ZKSCAN4: variants seen among roughly 807,000 people sequenced by gnomAD.
ZKSCAN4 encodes zinc finger protein with KRAB and SCAN domains 4.
ZKSCAN4 carries 23 observed loss-of-function variants against 30.8 expected under a neutral mutation model. The ratio of observed to expected loss-of-function variants is 0.75; its 90% confidence interval spans 0.54 to 1.06. The LOEUF (loss-of-function observed/expected upper bound fraction) is 1.06, where lower values mean the gene tolerates loss of function less well. Among genes scored for constraint, ZKSCAN4 ranks in the 50% least tolerant of loss-of-function variants. The probability of loss-of-function intolerance (pLI) is 0.00; values close to 1 mark genes in which losing one functional copy is unlikely to be tolerated. For missense variants in ZKSCAN4, 556 were observed against 665.4 expected (o/e 0.84, Z 1.81); for synonymous variants, 208 against 252.5 (o/e 0.82, Z 1.67).
upstream of ZKSCAN4, among the ~76,000 whole-genome samples, chr6:28,254,758 G>A (rs1388491180): frequency 2.0e-5 from 3 of 152,200 alleles, no homozygotes; most frequent in Non-Finnish European, 2.9e-5. Flanking sequence ...GAAGCCCTGC[G>A]ACGGCATTTT....
rs1561860774 is a variant in ZKSCAN4, at chr6:28,249,795, T to C, written c.463A>G (p.Lys155Glu). 2 of 1,614,152 alleles carry C rather than the reference T, an allele frequency of 1.2e-6. No homozygotes were observed. The highest frequency in any genetic ancestry group is 1.7e-5 in the Admixed American group (1 of 60,026). ...TGAGTTTGTGTCAATAGTGCCATCT[T>C]GCAACAGAGCAGTTCTTGCCCCTGG... Reference protein sequence around the residue: ...GDQGQELLCCKMALLTQTQGS... With the variant: ...GDQGQELLCCEMALLTQTQGS... The change falls in exon 2 of 5, where the codon AAG becomes GAG. Residue 155 changes from lysine to glutamate, a missense_variant. Physicochemically the swap from Lys to Glu is moderately conservative, Grantham distance 56. Transcript: ENST00000377294. The surrounding 1 kb of genome is among the most constrained non-coding windows in gnomAD (Gnocchi z 4.1).
In ZKSCAN4 at chr6:28,245,749, C is replaced by T. The variant is rs765705551; in HGVS notation, c.1005G>A (p.Leu335=). The T allele has an allele frequency of 3.4e-5, 55 of 1,614,112 alleles. No homozygotes were observed. The highest frequency in any genetic ancestry group is 4.3e-5 in the Non-Finnish European group (51 of 1,180,044). Residue 335 remains leucine, a synonymous_variant, in exon 5 of 5, where the codon CTG becomes CTA. Transcript: ENST00000377294. The part of the protein sequence containing the change: ...CGKSFAQSSG[L]TKHRRIHTGE... Reference sequence around the variant, plus strand: ...CAGTGTGGATTCTCCTGTGTTTAGTCAGGCCTGAACTTTGAGCAAAACTCT... The same window carrying T: ...CAGTGTGGATTCTCCTGTGTTTAGTTAGGCCTGAACTTTGAGCAAAACTCT...
At chr6:28,246,021 G>T in intron 4 of ZKSCAN4, 46 bp from the exon 5 acceptor site, 1 of 1,613,692 alleles carries the variant, frequency 6.2e-7, no homozygotes, top group African/African-American at 1.3e-5. Context: ...CCCTGCCATG[G>T]GAGGAAAGCT....
At chr6:28,253,167 A>G (rs1373622960), upstream of ZKSCAN4, among the ~76,000 whole-genome samples, 3 of 152,236 alleles carry the variant, frequency 2.0e-5, no homozygotes, top group East Asian at 1.9e-4. The surrounding 1 kb of genome is among the most constrained non-coding windows in gnomAD (Gnocchi z 4.2). Context: ...CCTATAATAG[A>G]AGAAAGCCCT....
intron 2 of ZKSCAN4, 90 bp from the exon 3 acceptor site, chr6:28,248,239 G>T: frequency 1.1e-6 from 1 of 904,530 alleles, no homozygotes; most frequent in Non-Finnish European, 1.7e-6. Flanking sequence ...GGGGCAGTAA[G>T]TTCTTGCCAA....
intron 2 of ZKSCAN4, among the ~76,000 whole-genome samples, chr6:28,248,839 A>AAAAAAAAAAAG (rs1760862919): frequency 7.8e-6 from 1 of 127,754 alleles, no homozygotes; most frequent in African/African-American, 3.2e-5. Flanking sequence ...AAAAAAAAAA[A>AAAAAAAAAAAG]AAAAAGAAAA....
chr6:28,246,656 T>A (rs986322277), intron 4 of ZKSCAN4, among the ~76,000 whole-genome samples: 3 of 151,312 alleles, frequency 2.0e-5, no homozygotes, highest in African/African-American at 7.3e-5. Flanking sequence ...GGCCCCCCCC[T>A]CCCCGCAGCT....
the ZKSCAN4 span, among the ~76,000 whole-genome samples, chr6:28,258,768 CAAAA>C: frequency 6.7e-4 from 95 of 142,408 alleles, no homozygotes; most frequent in Middle Eastern, 3.6e-3. Context: ...ATCCTGTCTC[CAAAA>C]AAAAAAAAAA....
chr6:28,252,395 G>A (rs1161051823), upstream of ZKSCAN4, among the ~76,000 whole-genome samples: 1 of 152,110 alleles, frequency 6.6e-6, no homozygotes, highest in African/African-American at 2.4e-5. Flanking sequence ...AGGGAAGGCA[G>A]TTAAGGGATA....
chr6:28,243,651 C>G lies in ZKSCAN4; in HGVS notation c.*1465G>C, dbSNP rs931554833. Among the ~76,000 whole-genome samples, 1 of 151,716 alleles carries G rather than the reference C, an allele frequency of 6.6e-6. No homozygotes were observed. Among genetic ancestry groups the G allele is most frequent in the African/African-American group, 2.4e-5 (1 of 41,254 alleles). ...GATTCCCAATGTGCTTCTGAACAGA[C>G]ACATTTTCTTTTCTTTTTTTTTTTT... On this transcript the variant is annotated 3_prime_UTR_variant, in exon 5 of 5. Transcript: ENST00000377294.
intron 4 of ZKSCAN4, 137 bp from the exon 5 acceptor site, chr6:28,246,112 G>A: frequency 1.6e-6 from 2 of 1,249,292 alleles, no homozygotes; most frequent in Non-Finnish European, 2.2e-6. Flanking sequence ...GAATAAGAAT[G>A]GGAATAAAAA....
rs76636512 is a variant in ZKSCAN4, at chr6:28,251,041, G to T, written c.423+517C>A. ...ATGGACTTTCTCCCAAGTGGTCCAT[G>T]AACTTAGAAAGGACAAAAACTAATC... On this transcript the variant is annotated intron_variant, in intron 1 of 4. Transcript: ENST00000377294. This position sits in a 1 kb window ranked among gnomAD's most constrained non-coding sequence, Gnocchi z 4.5. Among the ~76,000 whole-genome samples, 27 of 152,312 alleles carry T rather than the reference G, an allele frequency of 1.8e-4. No homozygotes were observed. In the East Asian group the frequency reaches 5.2e-3, roughly 29 times the overall value.
chr6:28,245,898 G>A lies in ZKSCAN4; in HGVS notation c.856C>T (p.His286Tyr). 6.2e-7 allele frequency: 1 copy of A among 1,614,154 alleles called. No homozygotes were observed. Among genetic ancestry groups the A allele is most frequent in the South Asian group, 1.1e-5 (1 of 91,086 alleles). The change falls in exon 5 of 5, where the codon CAC becomes TAC. Residue 286 changes from histidine (H) to tyrosine (Y), a missense_variant. His to Tyr is a moderately conservative substitution (Grantham distance 83). Around this residue, in one of 3 missense-constraint regions of ZKSCAN4, gnomAD observed 433 missense variants for 511.5 expected, o/e 0.85. Transcript: ENST00000377294. ...LPEKEHGKIC[H>Y]LREDIAQIPT... Reference sequence around the variant, plus strand: ...ATCTGGGCAATGTCTTCCCTCAGGTGGCATATCTTCCCATGCTCCTTTTCT... The same window carrying A: ...ATCTGGGCAATGTCTTCCCTCAGGTAGCATATCTTCCCATGCTCCTTTTCT...
chr6:28,259,154 A>G, the ZKSCAN4 span, among the ~76,000 whole-genome samples: 1 of 152,186 alleles, frequency 6.6e-6, no homozygotes, highest in Non-Finnish European at 1.5e-5. Flanking sequence ...TATAAGTCCT[A>G]AAAACAGGCG....
chr6:28,251,877 A>C lies in ZKSCAN4; in HGVS notation c.104T>G (p.Leu35Trp). The C allele has an allele frequency of 6.4e-7, 1 of 1,554,868 alleles. No homozygotes were observed. The highest frequency in any genetic ancestry group is 8.7e-7 in the Non-Finnish European group (1 of 1,155,840). The change falls in exon 1 of 5, where the codon TTG (leucine) becomes TGG (tryptophan). Residue 35 changes from leucine (L) to tryptophan (W), a missense_variant. Coordinates refer to ENST00000377294, the MANE Select transcript of ZKSCAN4 (RefSeq NM_019110.5). The surrounding 1 kb of genome is among the most constrained non-coding windows in gnomAD (Gnocchi z 4.5). ...GCAGGGTGCTCTCACCTCCGCCGTC[A>C]AGGCGGAGGCTTCCTCCTTCTCCAC... The part of the protein sequence containing the change: ...VKVEKEEASA[L>W]TAEVRAPCSP...
chr6:28,248,826 C>CAAAAAAAA (rs1208495527), intron 2 of ZKSCAN4, among the ~76,000 whole-genome samples: 9 of 50,938 alleles, frequency 1.8e-4, no homozygotes, highest in African/African-American at 2.9e-4. Flanking sequence ...ACCCCCATCT[C>CAAAAAAAA]AAAAAAAAAA....
upstream of ZKSCAN4, among the ~76,000 whole-genome samples, chr6:28,252,404 T>C (rs2113692893): frequency 6.6e-6 from 1 of 151,928 alleles, no homozygotes; most frequent in East Asian, 1.9e-4. Flanking sequence ...AGTTAAGGGA[T>C]AGAGAAGGAA....
intron 1 of ZKSCAN4, among the ~76,000 whole-genome samples, chr6:28,250,071 G>GTTTTTTTT (rs374027640): frequency 7.2e-6 from 1 of 139,620 alleles, no homozygotes; most frequent in African/African-American, 2.6e-5. Context: ...TGGTTTTTTT[G>GTTTTTTTT]TTTTTTTTTT....
In ZKSCAN4 at chr6:28,245,531, T is replaced by G. The variant is rs1357185398; in HGVS notation, c.1223A>C (p.Asp408Ala). The change falls in exon 5 of 5, where the codon GAC becomes GCC. Residue 408 changes from aspartate (D) to alanine (A), a missense_variant. Around this residue, in one of 3 missense-constraint regions of ZKSCAN4, gnomAD observed 433 missense variants for 511.5 expected, o/e 0.85. Coordinates refer to ENST00000377294, the MANE Select transcript of ZKSCAN4 (RefSeq NM_019110.5). ...HTGEKPYECD[D>A]CGKTFSQSCS... ...GCTCTGGCTGAAGGTCTTCCCACAG[T>G]CATCACACTCATAGGGCTTCTCCCC... 1 of 1,614,124 alleles carries G rather than the reference T, an allele frequency of 6.2e-7. No individual in the cohort carries two copies. Among genetic ancestry groups the G allele is most frequent in the Admixed American group, 1.7e-5 (1 of 60,016 alleles).
Sources: allele counts gnomAD v4.1 joint callset (sites outside exome capture counted in the v4.1 genomes callset), GRCh38; gene constraint gnomAD v4.1.1; regional missense constraint gnomAD v4.1.1; non-coding constraint Gnocchi (gnomAD v3.1); transcripts MANE v1.5; gene names NCBI Gene and HGNC (gene_info 2026-07-23, HGNC 2026-07-21).